CEP112: variants seen among roughly 807,000 people sequenced by gnomAD.
CEP112 encodes centrosomal protein 112.
CEP112 carries 127 observed loss-of-function variants against 153.0 expected under a neutral mutation model. That is an observed-to-expected ratio of 0.83 (90% CI 0.72 to 0.96). The LOEUF (loss-of-function observed/expected upper bound fraction) is 0.96. Among genes scored for constraint, CEP112 ranks in the 40% least tolerant of loss-of-function variants. CEP112 has a pLI of 0.00. For synonymous variants in CEP112, 358 were observed against 374.4 expected, an observed-to-expected ratio of 0.96 and a Z score of 0.51; for missense variants, 1,089 against 1,101.2, an observed-to-expected ratio of 0.99 and a Z score of 0.16.
At chr17:65,798,756 G>C (rs140042134) in intron 21 of CEP112, among the ~76,000 whole-genome samples, 120 of 152,296 alleles carry the variant, frequency 7.9e-4, no homozygotes, top group Non-Finnish European at 1.2e-3. Context: ...AATTGCTTTA[G>C]AATCCAAAGC....
chr17:66,162,376 A>G (rs1382101376), intron 4 of CEP112, among the ~76,000 whole-genome samples: 1 of 152,204 alleles, frequency 6.6e-6, no homozygotes, highest in Admixed American at 6.5e-5. Context: ...TGCTAGTGGA[A>G]ATGTAAACTG....
intron 20 of CEP112, among the ~76,000 whole-genome samples, chr17:65,889,289 G>A (rs902214508): frequency 1.3e-5 from 2 of 152,132 alleles, no homozygotes; most frequent in African/African-American, 4.8e-5. Context: ...TTCAGAATTA[G>A]GTGAGAAACA....
At chr17:66,008,853 T>C (rs369505763) in intron 16 of CEP112, among the ~76,000 whole-genome samples, 2 of 137,062 alleles carry the variant, frequency 1.5e-5, no homozygotes, top group African/African-American at 5.0e-5. Context: ...TAAGGCTGCA[T>C]AGTATTCCAC....
intron 17 of CEP112, among the ~76,000 whole-genome samples, chr17:66,005,051 T>A (rs2064216189): frequency 6.6e-6 from 1 of 152,210 alleles, no homozygotes; most frequent in Non-Finnish European, 1.5e-5. Flanking sequence ...GGCTGACACA[T>A]GATGGGAACT....
chr17:65,667,489 AT>A (rs2046753202), intron 24 of CEP112, among the ~76,000 whole-genome samples: 2 of 152,106 alleles, frequency 1.3e-5, no homozygotes, highest in African/African-American at 4.8e-5. Context: ...AAGCAAAAAA[AT>A]ATATATTATT....
chr17:66,074,163 T>C (rs2067399100), intron 8 of CEP112, among the ~76,000 whole-genome samples: 1 of 151,892 alleles, frequency 6.6e-6, no homozygotes, highest in Non-Finnish European at 1.5e-5. Flanking sequence ...AGGAAACAAA[T>C]GAAAATTCCA....
chr17:65,816,343 A>G (rs1422243517), intron 21 of CEP112, among the ~76,000 whole-genome samples: 3 of 151,908 alleles, frequency 2.0e-5, no homozygotes, highest in African/African-American at 2.4e-5. Flanking sequence ...GGTTACATGA[A>G]TAAGTTCTTT....
At chr17:65,841,905 CAT>C (rs140168662) in intron 21 of CEP112, among the ~76,000 whole-genome samples, 46,587 of 148,256 alleles carry the variant, frequency 0.31, 8,649 homozygotes, top group Middle Eastern at 0.43. Flanking sequence ...TGTGTACACA[CAT>C]ACACACACAC....
intron 24 of CEP112, among the ~76,000 whole-genome samples, chr17:65,671,611 T>C (rs1001143294): frequency 6.6e-6 from 1 of 152,168 alleles, no homozygotes. Context: ...TATATGTGTG[T>C]GTATGTATAT....
chr17:65,647,608 C>T lies in CEP112; in HGVS notation c.2698-6543G>A, dbSNP rs151018871. On this transcript the variant is annotated intron_variant, in intron 24 of 26. Coordinates refer to ENST00000535342, the MANE Select transcript of CEP112 (RefSeq NM_001199165.4). ...CCTCCTGCCTCAGCCTCCCGAGTAGCTGGGACTACAGGTGCGTGCCACCAT... is the reference window on the plus strand; with the variant it reads ...CCTCCTGCCTCAGCCTCCCGAGTAGTTGGGACTACAGGTGCGTGCCACCAT... Among the ~76,000 whole-genome samples, 687 of 151,476 alleles carry T rather than the reference C, an allele frequency of 4.5e-3. 2 individuals are homozygous for T. The highest frequency in any genetic ancestry group is 7.8e-3 in the Non-Finnish European group (531 of 67,916).
In CEP112 at chr17:66,173,058, C is replaced by T. The variant is rs9911474; in HGVS notation, c.470+1986G>A. Among the ~76,000 whole-genome samples the T allele has an allele frequency of 7.1e-3, 1,085 of 152,298 alleles. 17 individuals are homozygous for T. Among genetic ancestry groups the T allele is most frequent in the African/African-American group, 0.025 (1,031 of 41,566 alleles). The stretch of plus-strand genomic sequence containing the variant: ...ACAGACGCACAGGCTGTGCCCAATC[C>T]TCTCCCCTTCTTAAATCACATGATC... On this transcript the variant is annotated intron_variant, in intron 4 of 26. Transcript: ENST00000535342.
chr17:66,076,273 C>A (rs1421891741), intron 8 of CEP112, among the ~76,000 whole-genome samples: 1 of 152,104 alleles, frequency 6.6e-6, no homozygotes, highest in Non-Finnish European at 1.5e-5. Context: ...GAACCAAAGC[C>A]CTCTTCTTTT....
chr17:65,921,630 T>G (rs1336101351), intron 19 of CEP112, among the ~76,000 whole-genome samples: 1 of 152,172 alleles, frequency 6.6e-6, no homozygotes, highest in Non-Finnish European at 1.5e-5. Context: ...TGCACCCACC[T>G]GAGGTACGCT....
At chr17:66,131,728 CAG>C (rs1285184587) in intron 5 of CEP112, among the ~76,000 whole-genome samples, 1 of 151,844 alleles carries the variant, frequency 6.6e-6, no homozygotes, top group African/African-American at 2.4e-5. Flanking sequence ...GCCTGGGCGA[CAG>C]AGCAAGACTC....
At chr17:65,971,557 T>C (rs1568320348) in intron 17 of CEP112, among the ~76,000 whole-genome samples, 1 of 151,930 alleles carries the variant, frequency 6.6e-6, no homozygotes, top group African/African-American at 2.4e-5. Flanking sequence ...GTATGTTACA[T>C]GTGTGTTGTA....
intron 20 of CEP112, among the ~76,000 whole-genome samples, chr17:65,862,531 T>C (rs1013541138): frequency 3.3e-5 from 5 of 152,160 alleles, no homozygotes; most frequent in African/African-American, 4.8e-5. Flanking sequence ...GAGCTTGCAG[T>C]GAGCCGAGAT....
intron 18 of CEP112, chr17:65,941,442 G>A (rs532717300): frequency 9.2e-5 from 14 of 152,230 alleles, no homozygotes; most frequent in African/African-American, 3.1e-4. Context: ...TGTTATTTTA[G>A]ATGATACTGA....
chr17:66,098,711 T>C (rs980720919), intron 6 of CEP112, among the ~76,000 whole-genome samples: 1 of 152,218 alleles, frequency 6.6e-6, no homozygotes, highest in African/African-American at 2.4e-5. Flanking sequence ...ACTGTATGAA[T>C]TTAAATGTCT....
At position 65,801,085 on chromosome 17, in the gene CEP112, CT is replaced by C. The variant is rs552010800; in HGVS notation, c.2395-50362del. Among the ~76,000 whole-genome samples, 388 of 151,966 alleles carry C rather than the reference CT, an allele frequency of 2.6e-3. 1 individual carries two copies. Among genetic ancestry groups the C allele is most frequent in the African/African-American group, 8.8e-3 (367 of 41,476 alleles). On this transcript the variant is annotated intron_variant, in intron 21 of 26. Coordinates refer to ENST00000535342, the MANE Select transcript of CEP112 (RefSeq NM_001199165.4). ...TCTTTCTTTCTGTCTTCTTCATCTT[CT>C]TTTTTTTGTCACTCTGTCACCCAGG... is the stretch of plus-strand genomic sequence containing the variant.
Sources: gnomAD v4.1 joint callset for allele counts (sites outside exome capture counted in the v4.1 genomes callset) on GRCh38, gnomAD v4.1.1 for gene constraint, MANE v1.5 for transcripts, NCBI Gene and HGNC (gene_info 2026-07-23, HGNC 2026-07-21) for gene names.